SEC22C: variants seen among roughly 807,000 people sequenced by gnomAD.
The protein encoded by SEC22C is SEC22 homolog C, vesicle trafficking protein.
Under a neutral mutation model 34.7 loss-of-function variants are expected in SEC22C, and 29 were observed. The ratio of observed to expected loss-of-function variants is 0.84; its 90% CI spans 0.62 to 1.14. The LOEUF is 1.14. Among genes scored for constraint, SEC22C ranks in the 50% most tolerant of loss-of-function variants. The pLI is 0.00. For synonymous variants in SEC22C, 117 were observed against 132.8 expected, an observed-to-expected ratio of 0.88 and a Z score of 0.82; for missense variants, 337 against 369.0, an observed-to-expected ratio of 0.91 and a Z score of 0.71.
chr3:42,566,369 A>G (rs1157742417), intron 2 of SEC22C, among the ~76,000 whole-genome samples: 12 of 152,144 alleles, frequency 7.9e-5, no homozygotes, highest in Admixed American at 7.2e-4. Flanking sequence ...TCAGCTTAGC[A>G]GGTCAACTAA....
At chr3:42,587,390 C>T (rs567602957) in intron 1 of SEC22C, 1 of 152,296 alleles carries the variant, frequency 6.6e-6, no homozygotes, top group East Asian at 1.9e-4. Context: ...CTCACCCTAA[C>T]ACCATCTCAT....
intron 1 of SEC22C, chr3:42,580,363 A>C (rs1704254437): frequency 6.6e-6 from 1 of 152,236 alleles, no homozygotes; most frequent in Non-Finnish European, 1.5e-5. Context: ...TGTTCACCAT[A>C]AAGTATATAC....
In SEC22C at chr3:42,551,193, A is replaced by C; in HGVS notation, c.*2055T>G. The C allele has an allele frequency of 1.0e-6, 1 of 985,128 alleles. No individual in the cohort carries two copies. Among genetic ancestry groups the C allele is most frequent in the Non-Finnish European group, 1.2e-6 (1 of 829,856 alleles). 61.0% of individuals were successfully genotyped at this position (985,128 alleles called of 1,614,324 possible). Reference sequence around the variant, plus strand: ...TAAAACATTTTACCTCCCCTCCTTAACTTCCCATTCTATTTCACCATCTCT... The same window carrying C: ...TAAAACATTTTACCTCCCCTCCTTACCTTCCCATTCTATTTCACCATCTCT... On this transcript the variant is annotated 3_prime_UTR_variant, in exon 7 of 7. Coordinates refer to ENST00000264454, the MANE Select transcript of SEC22C (RefSeq NM_032970.4).
exon 1 of SEC22C, chr3:42,600,979 C>A (rs1375828455): frequency 6.5e-7 from 1 of 1,534,372 alleles, no homozygotes. Context: ...CCCCCTCTCT[C>A]CCAGCTCTTG....
intron 1 of SEC22C, among the ~76,000 whole-genome samples, chr3:42,575,579 T>A (rs1046436467): frequency 6.6e-6 from 1 of 152,124 alleles, no homozygotes; most frequent in Non-Finnish European, 1.5e-5. Flanking sequence ...GGCATAATAA[T>A]CCTGAATGTG....
chr3:42,574,998 T>C (rs1703875398), intron 1 of SEC22C, among the ~76,000 whole-genome samples: 1 of 152,108 alleles, frequency 6.6e-6, no homozygotes, highest in African/African-American at 2.4e-5. Flanking sequence ...TGTACCGTTA[T>C]ACCCAGCTAA....
intron 2 of SEC22C, among the ~76,000 whole-genome samples, chr3:42,568,086 TA>T (rs1296053841): frequency 1.3e-5 from 2 of 149,832 alleles, no homozygotes; most frequent in Non-Finnish European, 3.0e-5. Flanking sequence ...AATAAATAAA[TA>T]AAAATTAAAA....
At position 42,548,313 on chromosome 3, in the gene SEC22C, C is replaced by T. The variant is rs1702087277; in HGVS notation, c.*4935G>A. ...CATATGAATGATTCATGAAATAACA[C>T]TTCTGAAGCAACCCCAGAATCATAT... is the stretch of plus-strand genomic sequence containing the variant. On this transcript the variant is annotated 3_prime_UTR_variant, in exon 7 of 7. Transcript: ENST00000264454. 2.9e-6 allele frequency: 1 copy of T among 348,352 alleles called. No homozygotes were observed. The highest frequency in any genetic ancestry group is 4.1e-5 in the Admixed American group (1 of 24,190). The allele number at this position is 348,352 out of a possible 1,614,324, so 21.6% of individuals were successfully genotyped here. A position where few individuals can be genotyped will look rare whatever the true frequency, so the allele number is the denominator to read the frequency against.
chr3:42,558,663 G>A (rs999109080), intron 4 of SEC22C, among the ~76,000 whole-genome samples: 3 of 151,800 alleles, frequency 2.0e-5, no homozygotes, highest in African/African-American at 7.3e-5. Context: ...GTGGTGGTAT[G>A]TGCCTGTAGT....
Position 42,566,633 on chromosome 3 carries a change from C to T in SEC22C, c.182+2232G>A, listed in dbSNP as rs576927726. On this transcript the variant is annotated intron_variant, in intron 2 of 6. Coordinates refer to ENST00000264454, the MANE Select transcript of SEC22C (RefSeq NM_032970.4). ...GGCAGAGCTTGCAGTGAGCCGAGAT[C>T]GTGCCACTGCACTCCAGCCTGGGCG... 4.4e-5 allele frequency: 7 copies of T among 160,418 alleles called. No homozygotes were observed. The East Asian group carries it at 8.8e-4, about 20-fold the overall frequency. The allele number at this position is 160,418 out of a possible 1,614,324, so 9.9% of individuals were successfully genotyped here. A position where few individuals can be genotyped will look rare whatever the true frequency, so the allele number is the denominator to read the frequency against.
intron 1 of SEC22C, among the ~76,000 whole-genome samples, chr3:42,589,939 G>A (rs1345436923): frequency 6.6e-6 from 1 of 152,188 alleles, no homozygotes; most frequent in African/African-American, 2.4e-5. Flanking sequence ...CACCTTTGCG[G>A]TATGGTGCCT....
At position 42,553,359 on chromosome 3, in the gene SEC22C, G is replaced by A. The variant is rs556457508; in HGVS notation, c.801C>T (p.His267=). 23 of 1,614,120 alleles carry A rather than the reference G, an allele frequency of 1.4e-5. No individual in the cohort carries two copies. In the East Asian group the frequency reaches 2.0e-4, roughly 14 times the overall value. Residue 267 remains histidine, a synonymous_variant, in exon 7 of 7, where the codon CAC becomes CAT. Coordinates refer to ENST00000264454, the MANE Select transcript of SEC22C (RefSeq NM_032970.4). ...GGATTTGCCAGAGGTTCCTCAGCCC[G>A]TGCAGGTACATGTTGCCCAGGCAAA... ...LFICLGNMYL[H]GLRNLWQILF...
Position 42,552,169 on chromosome 3 carries a change from T to C in SEC22C, c.*1079A>G, listed in dbSNP as rs901372888. 5.1e-6 allele frequency: 5 copies of C among 984,526 alleles called. No homozygotes were observed. Among genetic ancestry groups the C allele is most frequent in the South Asian group, 9.4e-5 (2 of 21,274 alleles). The allele number at this position is 984,526 out of a possible 1,614,324, so 61.0% of individuals were successfully genotyped here. On this transcript the variant is annotated 3_prime_UTR_variant, in exon 7 of 7. Transcript: ENST00000264454. ...CCAGAGTATGTGTTAATTATATCTC[T>C]ATCAAGCTTTAAAAAGTTAACAGAT...
At position 42,552,886 on chromosome 3, in the gene SEC22C, A is replaced by G; in HGVS notation, c.*362T>C. The G allele has an allele frequency of 7.7e-6, 8 of 1,045,180 alleles. No individual in the cohort carries two copies. The highest frequency in any genetic ancestry group is 9.2e-6 in the Non-Finnish European group (8 of 867,878). The allele number at this position is 1,045,180 out of a possible 1,614,324, so 64.7% of individuals were successfully genotyped here. A position where few individuals can be genotyped will look rare whatever the true frequency, so the allele number is the denominator to read the frequency against. On this transcript the variant is annotated 3_prime_UTR_variant, in exon 7 of 7. Coordinates refer to ENST00000264454, the MANE Select transcript of SEC22C (RefSeq NM_032970.4). ...AGTGGTTCCTTGGAGACAACTCTCAATGACTAAAACCAGTGTTATTGAATC... is the reference window on the plus strand; with the variant it reads ...AGTGGTTCCTTGGAGACAACTCTCAGTGACTAAAACCAGTGTTATTGAATC...
Position 42,561,134 on chromosome 3 carries a change from G to GGT in SEC22C, c.507_508dup (p.Pro170HisfsTer16). ...CCACTTACCAGGCTCCAAGTGCATCGGTGTGTGACCATTCATCACCCCATT... is the reference window on the plus strand; with the variant it reads ...CCACTTACCAGGCTCCAAGTGCATCGGTGTGTGTGACCATTCATCACCCCATT... On this transcript the variant is annotated frameshift_variant, in exon 4 of 7. Coordinates refer to ENST00000264454, the MANE Select transcript of SEC22C (RefSeq NM_032970.4). LOFTEE classifies it high-confidence loss of function. The GGT allele has an allele frequency of 6.2e-7, 1 of 1,613,732 alleles. No homozygotes were observed. The highest frequency in any genetic ancestry group is 8.5e-7 in the Non-Finnish European group (1 of 1,179,708).
In SEC22C at chr3:42,549,594, A is replaced by G. The variant is rs1702150267; in HGVS notation, c.*3654T>C. 4.1e-6 allele frequency: 4 copies of G among 985,100 alleles called. No individual in the cohort carries two copies. Among genetic ancestry groups the G allele is most frequent in the Non-Finnish European group, 4.8e-6 (4 of 829,914 alleles). The allele number at this position is 985,100 out of a possible 1,614,324, so 61.0% of individuals were successfully genotyped here. A position where few individuals can be genotyped will look rare whatever the true frequency, so the allele number is the denominator to read the frequency against. ...CCTCTCCAAGACTTGACTCCCAGGC[A>G]TGGGTGGGAGAGTTGAACCTCAATG... On this transcript the variant is annotated 3_prime_UTR_variant, in exon 7 of 7. Transcript: ENST00000264454.
At chr3:42,565,948 A>G in intron 2 of SEC22C, 1 of 452,280 alleles carries the variant, frequency 2.2e-6, no homozygotes, top group Non-Finnish European at 4.4e-6. Context: ...CAAAATTACA[A>G]ATGAGTAGAA....
intron 2 of SEC22C, chr3:42,566,815 G>A (rs2125710466): frequency 4.7e-6 from 2 of 422,858 alleles, no homozygotes; most frequent in Non-Finnish European, 9.6e-6. Flanking sequence ...ACCAGCCTGG[G>A]CAACATGGCA....
Position 42,548,895 on chromosome 3 carries a change from A to C in SEC22C, c.*4353T>G. The C allele has an allele frequency of 7.4e-7, 1 of 1,355,336 alleles. No individual in the cohort carries two copies. The allele number at this position is 1,355,336 out of a possible 1,614,324, so 84.0% of individuals were successfully genotyped here. ...TAAAGCCTTTCTCCTCCCACACACA[A>C]TGGACTCACCCAGTATTACCCTCCA... On this transcript the variant is annotated 3_prime_UTR_variant, in exon 7 of 7. Transcript: ENST00000264454.
Sources: gnomAD v4.1 joint callset for allele counts (sites outside exome capture counted in the v4.1 genomes callset) on GRCh38, gnomAD v4.1.1 for gene constraint, MANE v1.5 for transcripts, NCBI Gene and HGNC (gene_info 2026-07-23, HGNC 2026-07-21) for gene names.